Variants in IRAG2 observed in about 807,000 individuals in gnomAD.
IRAG2 encodes inositol 1,4,5-triphosphate receptor associated 2.
In IRAG2, 45 loss-of-function variants were observed where a neutral mutation model predicts 69.9. That is an observed-to-expected ratio of 0.64 (90% CI 0.51 to 0.83). The LOEUF is 0.83. IRAG2 is among the 40% of genes least tolerant of loss of function. IRAG2 has a pLI of 0.00. For synonymous variants in IRAG2, 193 were observed against 202.4 expected (o/e 0.95, Z 0.40); for missense variants, 520 against 587.0 (o/e 0.89, Z 1.18).
chr12:25,022,789 A>G (rs1401112436), intron 7 of IRAG2, among the ~76,000 whole-genome samples: 1 of 152,274 alleles, frequency 6.6e-6, no homozygotes, highest in Non-Finnish European at 1.5e-5. Flanking sequence ...CATGTTATAC[A>G]TGGTAAAAGC....
chr12:25,070,242 G>A (rs562421734), intron 6 of IRAG2, among the ~76,000 whole-genome samples: 1 of 152,120 alleles, frequency 6.6e-6, no homozygotes, highest in South Asian at 2.1e-4. Context: ...GAAATAAACT[G>A]CGTACCCATT....
At chr12:25,027,212 C>T (rs1944629167) in intron 9 of IRAG2, among the ~76,000 whole-genome samples, 1 of 152,074 alleles carries the variant, frequency 6.6e-6, no homozygotes, top group South Asian at 2.1e-4. Flanking sequence ...CCCCCACCCA[C>T]CGTCCTCTCC....
chr12:25,095,798 T>G (rs574918329), intron 14 of IRAG2, among the ~76,000 whole-genome samples: 1 of 152,318 alleles, frequency 6.6e-6, no homozygotes, highest in African/African-American at 2.4e-5. Flanking sequence ...GATTACTGAT[T>G]CAATCTTCTT....
chr12:25,058,488 T>C (rs1945410646), intron 1 of IRAG2, among the ~76,000 whole-genome samples: 1 of 152,214 alleles, frequency 6.6e-6, no homozygotes, highest in Non-Finnish European at 1.5e-5. Flanking sequence ...TAGTTGATCT[T>C]AGTCTGGGGT....
intron 9 of IRAG2, among the ~76,000 whole-genome samples, chr12:25,082,599 C>CAA (rs1555140820): frequency 5.2e-4 from 35 of 67,422 alleles, no homozygotes; most frequent in Admixed American, 1.6e-3. Context: ...GACCCTGTCT[C>CAA]AAAAAAAAAA....
upstream of IRAG2, among the ~76,000 whole-genome samples, chr12:25,002,390 C>T (rs1944397699): frequency 6.6e-6 from 1 of 152,008 alleles, no homozygotes; most frequent in Admixed American, 6.6e-5. Context: ...TATTGAGTAT[C>T]TAGAAAAAAT....
chr12:25,030,697 G>C (rs572808111), intron 10 of IRAG2, among the ~76,000 whole-genome samples: 1 of 152,256 alleles, frequency 6.6e-6, no homozygotes, highest in African/African-American at 2.4e-5. Context: ...TAAAAAATCT[G>C]ATTCTAATAT....
upstream of IRAG2, among the ~76,000 whole-genome samples, chr12:25,051,608 T>C (rs901583646): frequency 2.0e-5 from 3 of 152,220 alleles, no homozygotes; most frequent in Non-Finnish European, 4.4e-5. Context: ...TGTAACGTAA[T>C]GGCACCATGA....
In IRAG2 at chr12:25,089,860, G is replaced by A. The variant is rs1256589813; in HGVS notation, c.465+70G>A. 2.0e-6 allele frequency: 3 copies of A among 1,514,042 alleles called. No homozygotes were observed. In the South Asian group the frequency reaches 3.4e-5, roughly 17 times the overall value. The allele number at this position is 1,514,042 out of a possible 1,614,324, so 93.8% of individuals were successfully genotyped here. On this transcript the variant is annotated intron_variant, in intron 13 of 21. Coordinates refer to ENST00000556887, the MANE Select transcript of IRAG2 (RefSeq NM_001366544.2). ...GACTCACCTGCTACAGTCACTTCAT[G>A]TTTTGGCACAAGCTCTCATATGCTC...
At chr12:25,043,799 T>C (rs1944769971) in intron 16 of IRAG2, among the ~76,000 whole-genome samples, 1 of 152,130 alleles carries the variant, frequency 6.6e-6, no homozygotes, top group East Asian at 1.9e-4. Flanking sequence ...TTTTTTCTAA[T>C]GCATAGTTAA....
In IRAG2 at chr12:25,107,969, C is replaced by T. The variant is rs1189910335; in HGVS notation, c.1409C>T (p.Ala470Val). 1 of 1,614,088 alleles carries T rather than the reference C, an allele frequency of 6.2e-7. No individual in the cohort carries two copies. The highest frequency in any genetic ancestry group is 8.5e-7 in the Non-Finnish European group (1 of 1,180,056). Residue 470 changes from alanine (A) to valine (V), a missense_variant, in exon 22 of 22, where the codon GCT becomes GTT. Coordinates refer to ENST00000556887, the MANE Select transcript of IRAG2 (RefSeq NM_001366544.2). ...GQLFQKSVDA[A>V]PTQQEDSWTS... Reference sequence around the variant, plus strand: ...TTATTCCAGAAGTCTGTGGATGCCGCTCCCACACAGCAAGAGGACTCATGG... The same window carrying T: ...TTATTCCAGAAGTCTGTGGATGCCGTTCCCACACAGCAAGAGGACTCATGG...
chr12:25,015,112 A>AAAAAAAAAT, intron 3 of IRAG2: 2 of 359,396 alleles, frequency 5.6e-6, no homozygotes, highest in Middle Eastern at 1.2e-3. Context: ...AAAAAAAAAA[A>AAAAAAAAAT]GACAAAACTT....
chr12:25,100,355 T>C (rs1162527462), intron 15 of IRAG2, among the ~76,000 whole-genome samples: 1 of 152,072 alleles, frequency 6.6e-6, no homozygotes, highest in Non-Finnish European at 1.5e-5. Context: ...AAGTTAAACA[T>C]AGAATTACCA....
chr12:25,012,080 A>G (rs1360044923), intron 3 of IRAG2, among the ~76,000 whole-genome samples: 1 of 149,756 alleles, frequency 6.7e-6, no homozygotes, highest in Non-Finnish European at 1.5e-5. Context: ...AGGGCACCCC[A>G]TGATCTCAGG....
intron 1 of IRAG2, 96 bp from the exon 2 acceptor site, chr12:25,061,496 A>G (rs149873434): frequency 2.8e-4 from 113 of 396,646 alleles, no homozygotes; most frequent in African/African-American, 2.0e-3. Flanking sequence ...CTGCACTCCA[A>G]TCTGGGCAAT....
At chr12:25,047,542 C>A (rs1051435543), upstream of IRAG2, among the ~76,000 whole-genome samples, 1 of 152,170 alleles carries the variant, frequency 6.6e-6, no homozygotes, top group Non-Finnish European at 1.5e-5. Context: ...TAGTGGTTTG[C>A]TGCACAGATC....
intron 8 of IRAG2, among the ~76,000 whole-genome samples, chr12:25,026,049 A>G (rs1675328634): frequency 1.3e-5 from 2 of 152,218 alleles, no homozygotes; most frequent in African/African-American, 4.8e-5. Context: ...GAAAGCAGTC[A>G]TAGACAGTAT....
intron 10 of IRAG2, among the ~76,000 whole-genome samples, chr12:25,086,000 T>C (rs772574214): frequency 4.6e-5 from 7 of 152,156 alleles, no homozygotes; most frequent in Non-Finnish European, 1.0e-4. Flanking sequence ...TGGTTGCTCC[T>C]AGTAAAAAAT....
intron 10 of IRAG2, among the ~76,000 whole-genome samples, chr12:25,085,194 G>A (rs760180950): frequency 6.6e-6 from 1 of 152,262 alleles, no homozygotes; most frequent in Non-Finnish European, 1.5e-5. Context: ...CAGTGTGACA[G>A]CTTTCTGTAT....
Sources: gnomAD v4.1 joint callset for allele counts (sites outside exome capture counted in the v4.1 genomes callset) on GRCh38, gnomAD v4.1.1 for gene constraint, MANE v1.5 for transcripts, NCBI Gene and HGNC (gene_info 2026-07-23, HGNC 2026-07-21) for gene names.